PTGDR: variants seen among roughly 807,000 people sequenced by gnomAD.
PTGDR encodes PGD2 receptor.
PTGDR carries 19 observed loss-of-function variants against 17.4 expected under a neutral mutation model. That is an observed-to-expected ratio of 1.09 (90% CI 0.76 to 1.60). The LOEUF (loss-of-function observed/expected upper bound fraction) is 1.60, where lower values mean the gene tolerates loss of function less well. Ranked by LOEUF, PTGDR falls within the 40% of genes most tolerant of loss-of-function variation. The probability of loss-of-function intolerance (pLI) is 0.00; values close to 1 mark genes in which losing one functional copy is unlikely to be tolerated. For synonymous variants in PTGDR, 267 were observed against 224.2 expected (o/e 1.19, Z -1.71); for missense variants, 526 against 481.9 (o/e 1.09, Z -0.86).
chr14:52,268,265 C>A lies in PTGDR; in HGVS notation c.451C>A (p.Leu151Met), dbSNP rs1286599197. Residue 151 changes from leucine (L) to methionine (M), a missense_variant, in exon 1 of 2, where the codon CTG (leucine) becomes ATG (methionine). Leu to Met is a conservative substitution (Grantham distance 15). Coordinates refer to ENST00000306051, the MANE Select transcript of PTGDR (RefSeq NM_000953.3). Reference sequence around the variant, plus strand: ...GCACATCACCCTGCGCCTGGGCGCACTGGTGGCCCCGGTGGTGAGCGCCTT... The same window carrying A: ...GCACATCACCCTGCGCCTGGGCGCAATGGTGGCCCCGGTGGTGAGCGCCTT... ...RRHITLRLGALVAPVVSAFSL... is the reference protein window; with the variant it reads ...RRHITLRLGAMVAPVVSAFSL... The A allele has an allele frequency of 6.2e-7, 1 of 1,614,038 alleles. No individual in the cohort carries two copies. The highest frequency in any genetic ancestry group is 8.5e-7 in the Non-Finnish European group (1 of 1,180,048).
Position 52,275,081 on chromosome 14 carries a change from C to A in PTGDR, c.*117C>A. Reference sequence around the variant, plus strand: ...AATCCTTAAAAGTTACCTCCCATAACAAAAGCATGTATATGTATTTTCAAA... The same window carrying A: ...AATCCTTAAAAGTTACCTCCCATAAAAAAAGCATGTATATGTATTTTCAAA... On this transcript the variant is annotated 3_prime_UTR_variant, in exon 2 of 2. Coordinates refer to ENST00000306051, the MANE Select transcript of PTGDR (RefSeq NM_000953.3). 1 of 792,848 alleles carries A rather than the reference C, an allele frequency of 1.3e-6. No homozygotes were observed. The highest frequency in any genetic ancestry group is 2.0e-6 in the Non-Finnish European group (1 of 508,200). 49.1% of individuals were successfully genotyped at this position (792,848 alleles called of 1,614,324 possible).
Position 52,272,216 on chromosome 14 carries a change from G to A in PTGDR, c.847-2515G>A, listed in dbSNP as rs548165395. On this transcript the variant is annotated intron_variant, in intron 1 of 1. Coordinates refer to ENST00000306051, the MANE Select transcript of PTGDR (RefSeq NM_000953.3). ...GGGCTGGTGGCTCACACTTGTAATC[G>A]TAGCATTTTGGGAGGCCAAATCAGG... 1.4e-4 allele frequency among the ~76,000 whole-genome samples: 21 copies of A among 152,204 alleles called. 1 individual carries two copies. The South Asian group carries it at 3.7e-3, about 27-fold the overall frequency.
chr14:52,268,463 TGCAACCTCGGCGCCATGC>T lies in PTGDR; in HGVS notation c.658_675del (p.Gly220_Leu225del). The T allele has an allele frequency of 6.2e-7, 1 of 1,610,072 alleles. No homozygotes were observed. The highest frequency in any genetic ancestry group is 8.5e-7 in the Non-Finnish European group (1 of 1,179,992). ...GCTGCTGGTCCTCGCCACCGTGCTG[TGCAACCTCGGCGCCATGC>T]GCAACCTCTATGCGATGCACCGGCG... On this transcript the variant is annotated inframe_deletion, in exon 1 of 2. Coordinates refer to ENST00000306051, the MANE Select transcript of PTGDR (RefSeq NM_000953.3).
chr14:52,272,719 A>G (rs1261997510), intron 1 of PTGDR, among the ~76,000 whole-genome samples: 1 of 152,108 alleles, frequency 6.6e-6, no homozygotes, highest in Admixed American at 6.5e-5. Context: ...CCCTGGGCCC[A>G]TCACTTGCCT....
chr14:52,273,818 T>C (rs1463021305), intron 1 of PTGDR, among the ~76,000 whole-genome samples: 2 of 152,184 alleles, frequency 1.3e-5, no homozygotes. Flanking sequence ...CTAAAATGTA[T>C]TTAGAATTGT....
Position 52,274,826 on chromosome 14 carries a change from G to A in PTGDR, c.942G>A (p.Val314=). Residue 314 remains valine, a synonymous_variant, in exon 2 of 2, where the codon GTG becomes GTA. Transcript: ENST00000306051. ...TCCGAGCCTTGCGATTTCTATCTGT[G>A]ATTTCAATTGTGGACCCTTGGATTT... The part of the protein sequence containing the change: ...EDLRALRFLS[V]ISIVDPWIFI... 1 of 1,612,432 alleles carries A rather than the reference G, an allele frequency of 6.2e-7. No individual in the cohort carries two copies.
At chr14:52,270,549 A>T (rs2033305840) in intron 1 of PTGDR, among the ~76,000 whole-genome samples, 1 of 152,214 alleles carries the variant, frequency 6.6e-6, no homozygotes, top group Non-Finnish European at 1.5e-5. Context: ...TCTAAAAAAA[A>T]AATTGTACTC....
At chr14:52,278,094 T>A (rs2033450563), downstream of PTGDR, among the ~76,000 whole-genome samples, 1 of 152,158 alleles carries the variant, frequency 6.6e-6, no homozygotes, top group Non-Finnish European at 1.5e-5. Context: ...AAATACCATT[T>A]CACCCAGCCA....
rs2033426504 is a variant in PTGDR at position 52,276,392 on chromosome 14, G to A, written c.*1428G>A. 1 of 152,112 alleles carries A rather than the reference G, an allele frequency of 6.6e-6. No homozygotes were observed. The highest frequency in any genetic ancestry group is 2.1e-4 in the South Asian group (1 of 4,830). 9.4% of individuals were successfully genotyped at this position (152,112 alleles called of 1,614,324 possible). On this transcript the variant is annotated 3_prime_UTR_variant, in exon 2 of 2. Transcript: ENST00000306051. ...ATGTTTATTTATTTCCAACTGAGCA[G>A]CAACCTCCTTTGTTTCACTTATGTT...
chr14:52,268,470 T>C lies in PTGDR; in HGVS notation c.656T>C (p.Leu219Pro). The change falls in exon 1 of 2, where the codon CTC becomes CCC. Residue 219 changes from leucine to proline, a missense_variant. By Grantham distance (98) the Leu-to-Pro change is moderately conservative. Coordinates refer to ENST00000306051, the MANE Select transcript of PTGDR (RefSeq NM_000953.3). ...GTCCTCGCCACCGTGCTGTGCAACC[T>C]CGGCGCCATGCGCAACCTCTATGCG... The part of the protein sequence containing the change: ...LLVLATVLCN[L>P]GAMRNLYAMH... The C allele has an allele frequency of 6.2e-7, 1 of 1,610,212 alleles. No individual in the cohort carries two copies. Among genetic ancestry groups the C allele is most frequent in the Non-Finnish European group, 8.5e-7 (1 of 1,179,978 alleles).
chr14:52,278,050 TCA>T (rs1363418584), downstream of PTGDR, among the ~76,000 whole-genome samples: 1 of 152,170 alleles, frequency 6.6e-6, no homozygotes, highest in Non-Finnish European at 1.5e-5. Context: ...ATTGTGGAAG[TCA>T]GTGTGGCAAT....
At chr14:52,270,711 C>A (rs2033308876) in intron 1 of PTGDR, among the ~76,000 whole-genome samples, 1 of 152,166 alleles carries the variant, frequency 6.6e-6, no homozygotes, top group Admixed American at 6.5e-5. Flanking sequence ...TCTTTAGGAG[C>A]TCCTATTGTA....
At position 52,268,651 on chromosome 14, in the gene PTGDR, G is replaced by A. The variant is rs913898986; in HGVS notation, c.837G>A (p.Leu279=). The change falls in exon 1 of 2, where the codon CTG becomes CTA. Residue 279 remains leucine, a synonymous_variant. Transcript: ENST00000306051. ...LMTVLFTMCS[L]PVIYRAYYGA... ...CCGTGCTCTTCACTATGTGTTCTCT[G>A]CCCGTAATTGTGAGTCCCCGGGCCC... 5 of 1,567,906 alleles carry A rather than the reference G, an allele frequency of 3.2e-6. No homozygotes were observed. The highest frequency in any genetic ancestry group is 4.3e-6 in the Non-Finnish European group (5 of 1,156,192).
rs774292836 is a variant in PTGDR at position 52,274,986 on chromosome 14, A to G, written c.*22A>G. 2 of 1,464,356 alleles carry G rather than the reference A, an allele frequency of 1.4e-6. No individual in the cohort carries two copies. Among genetic ancestry groups the G allele is most frequent in the Admixed American group, 3.8e-5 (2 of 53,058 alleles). The allele number at this position is 1,464,356 out of a possible 1,614,324, so 90.7% of individuals were successfully genotyped here. A position where few individuals can be genotyped will look rare whatever the true frequency, so the allele number is the denominator to read the frequency against. On this transcript the variant is annotated 3_prime_UTR_variant, in exon 2 of 2. Coordinates refer to ENST00000306051, the MANE Select transcript of PTGDR (RefSeq NM_000953.3). ...GTGACAGTGTTTTTCACTCTGTGGT[A>G]AGCTGAGGAATATGTCACATTTTCA...
At chr14:52,272,466 TAAA>T (rs59312780) in intron 1 of PTGDR, among the ~76,000 whole-genome samples, 8 of 144,970 alleles carry the variant, frequency 5.5e-5, no homozygotes, top group Non-Finnish European at 4.5e-5. Context: ...GACTCTGTCT[TAAA>T]AAAAAAAAAA....
intron 1 of PTGDR, among the ~76,000 whole-genome samples, chr14:52,272,402 G>C (rs2033337929): frequency 6.6e-6 from 1 of 151,654 alleles, no homozygotes; most frequent in Admixed American, 6.6e-5. Flanking sequence ...AGAAGGTCAA[G>C]GCTGCATTGA....
In PTGDR at chr14:52,275,344, G is replaced by A. The variant is rs181859505; in HGVS notation, c.*380G>A. ...ATACAGTAGAAACACCACTGTTTAC[G>A]ATTATACGATGGACATTCATAAAAA... On this transcript the variant is annotated 3_prime_UTR_variant, in exon 2 of 2. Transcript: ENST00000306051. The A allele has an allele frequency of 2.5e-4, 42 of 168,090 alleles. No individual in the cohort carries two copies. Among genetic ancestry groups the A allele is most frequent in the Middle Eastern group, 3.2e-3 (1 of 316 alleles). The allele number at this position is 168,090 out of a possible 1,614,324, so 10.4% of individuals were successfully genotyped here. A position where few individuals can be genotyped will look rare whatever the true frequency, so the allele number is the denominator to read the frequency against.
At chr14:52,270,988 CA>C (rs1322404237) in intron 1 of PTGDR, among the ~76,000 whole-genome samples, 2 of 152,184 alleles carry the variant, frequency 1.3e-5, no homozygotes, top group Admixed American at 1.3e-4. Flanking sequence ...CAGCATTCTT[CA>C]CAAGAACCAC....
At chr14:52,271,035 C>T (rs1566482804) in intron 1 of PTGDR, among the ~76,000 whole-genome samples, 1 of 149,050 alleles carries the variant, frequency 6.7e-6, no homozygotes, top group Non-Finnish European at 1.5e-5. Flanking sequence ...TAGCATCAGA[C>T]ATGGTTTTGA....
Sources: allele counts gnomAD v4.1 joint callset (sites outside exome capture counted in the v4.1 genomes callset), GRCh38; gene constraint gnomAD v4.1.1; transcripts MANE v1.5; gene names NCBI Gene and HGNC (gene_info 2026-07-23, HGNC 2026-07-21).